The following BPTF variants were observed in gnomAD, a reference collection of about 807,000 sequenced individuals.
The protein encoded by BPTF is nucleosome-remodeling factor subunit BPTF.
In BPTF, 18 loss-of-function variants were observed where a neutral mutation model predicts 292.5. The observed-to-expected ratio is 0.06, with a 90% confidence interval of 0.04 to 0.09. The LOEUF (loss-of-function observed/expected upper bound fraction) is 0.09. Among genes scored for constraint, BPTF ranks in the 10% least tolerant of loss-of-function variants. The pLI is 1.00. For missense variants in BPTF, 2,726 were observed against 3,498.7 expected (o/e 0.78, Z 5.57); for synonymous variants, 1,225 against 1,251.9 (o/e 0.98, Z 0.45).
At chr17:67,953,816 G>A (rs1175374041) in intron 23 of BPTF, among the ~76,000 whole-genome samples, 1 of 151,820 alleles carries the variant, frequency 6.6e-6, no homozygotes, top group Non-Finnish European at 1.5e-5. Context: ...CTGACCTCAG[G>A]TTATCCACCC....
Position 67,921,581 on chromosome 17 carries a change from C to T in BPTF, c.5558-1259C>T, listed in dbSNP as rs1330448264. 1.1e-4 allele frequency among the ~76,000 whole-genome samples: 17 copies of T among 152,004 alleles called. 1 individual carries two copies. Among genetic ancestry groups the T allele is most frequent in the South Asian group, 8.3e-4 (4 of 4,818 alleles). On this transcript the variant is annotated intron_variant, in intron 13 of 27. Coordinates refer to ENST00000306378, the MANE Select transcript of BPTF (RefSeq NM_182641.4). ...AAAAGATAATGTCCTTAGATAGAAA[C>T]GTAGTGTTTTTATAAAAGTTAGTTC...
intron 1 of BPTF, among the ~76,000 whole-genome samples, chr17:67,848,995 A>G (rs908451873): frequency 3.3e-5 from 5 of 152,174 alleles, no homozygotes; most frequent in African/African-American, 1.2e-4. Context: ...GTGGGCGTAC[A>G]TTAATGTCTT....
intron 25 of BPTF, among the ~76,000 whole-genome samples, chr17:67,964,816 G>C (rs144159017): frequency 6.6e-6 from 1 of 151,506 alleles, no homozygotes; most frequent in East Asian, 1.9e-4. Context: ...TGGCTAACAC[G>C]GTGAAACCCC....
intron 1 of BPTF, among the ~76,000 whole-genome samples, chr17:67,840,229 C>G (rs755192817): frequency 6.6e-6 from 1 of 151,836 alleles, no homozygotes; most frequent in Non-Finnish European, 1.5e-5. Context: ...CTCAGCTTCC[C>G]CAGTAGCTGG....
At chr17:67,829,376 A>G (rs1219580709) in intron 1 of BPTF, among the ~76,000 whole-genome samples, 1 of 151,730 alleles carries the variant, frequency 6.6e-6, no homozygotes, top group Non-Finnish European at 1.5e-5. Flanking sequence ...AACGGGATAC[A>G]TGTGCAGAAC....
At chr17:67,902,331 A>G (rs751604203) in intron 7 of BPTF, among the ~76,000 whole-genome samples, 27 of 152,152 alleles carry the variant, frequency 1.8e-4, no homozygotes, top group Non-Finnish European at 3.1e-4. Flanking sequence ...TCAGAGGTGT[A>G]TAGAAGCCAA....
Position 67,894,073 on chromosome 17 carries a change from C to G in BPTF, c.2451C>G (p.Pro817=). 6.2e-7 allele frequency: 1 copy of G among 1,614,044 alleles called. No individual in the cohort carries two copies. Among genetic ancestry groups the G allele is most frequent in the Middle Eastern group, 1.7e-4 (1 of 6,056 alleles). The change falls in exon 7 of 28, where the codon CCC becomes CCG. Residue 817 remains proline (P), a synonymous_variant. Transcript: ENST00000306378. ...AGGCAGTTCAGATGTGTAGCAAACC[C>G]AGAGAATTTGCATTGGCTTTAGCCA... The part of the protein sequence containing the change: ...WIKAVQMCSK[P]REFALALAIL...
At position 67,854,154 on chromosome 17, in the gene BPTF, C is replaced by T. The variant is rs569247212; in HGVS notation, c.828C>T (p.Ser276=). ...AGGACTTTTGTGCAGCTCTGGTGAG[C>T]CAAGAGCAGTGCACACTCATGGCAG... ...RFEDFCAALV[S]QEQCTLMAEM... The change falls in exon 2 of 28, where the codon AGC becomes AGT. Residue 276 remains serine, a synonymous_variant. Transcript: ENST00000306378. This position sits in a 1 kb window ranked among gnomAD's most constrained non-coding sequence, Gnocchi z 5.6. 5 of 1,614,158 alleles carry T rather than the reference C, an allele frequency of 3.1e-6. No homozygotes were observed. In the South Asian group the frequency reaches 5.5e-5, roughly 18 times the overall value.
rs867488343 is a variant in BPTF, at chr17:67,851,275, T to A, written c.614-2665T>A. ...AACTTGTTTTTGCGATTTTCTGCTT[T>A]TTTTTTTTTTTTTTTAATAACCACC... On this transcript the variant is annotated intron_variant, in intron 1 of 27. Transcript: ENST00000306378. Among the ~76,000 whole-genome samples the A allele has an allele frequency of 6.0e-5, 9 of 150,026 alleles. No individual in the cohort carries two copies. The Middle Eastern group carries it at 0.024, about 405-fold the overall frequency.
rs2060047434 is a variant in BPTF at position 67,876,335 on chromosome 17, CT to C, written c.1864+1316del. The stretch of plus-strand genomic sequence containing the variant: ...GCATAACATGAAGGATTTTGACAAC[CT>C]GCAGTTCTTATGGGGACGACTTCCA... On this transcript the variant is annotated intron_variant, in intron 4 of 27. Coordinates refer to ENST00000306378, the MANE Select transcript of BPTF (RefSeq NM_182641.4). 2.6e-5 allele frequency among the ~76,000 whole-genome samples: 4 copies of C among 152,178 alleles called. No homozygotes were observed. The South Asian group carries it at 8.3e-4, about 32-fold the overall frequency.
chr17:67,831,372 T>G (rs2056659124), intron 1 of BPTF, among the ~76,000 whole-genome samples: 2 of 152,150 alleles, frequency 1.3e-5, no homozygotes, highest in South Asian at 2.1e-4. Context: ...AACATGAGAA[T>G]TAAACAAAAT....
chr17:67,842,341 T>C (rs537877083), intron 1 of BPTF, among the ~76,000 whole-genome samples: 5 of 152,290 alleles, frequency 3.3e-5, no homozygotes, highest in African/African-American at 1.2e-4. Context: ...TCAATTTCCT[T>C]GACCAGTTAC....
In BPTF at chr17:67,946,377, G is replaced by A. The variant is rs781909793; in HGVS notation, c.7617+52G>A. On this transcript the variant is annotated intron_variant, in intron 21 of 27. Transcript: ENST00000306378. ...GTTCAGTAGCTTGAATTATTGTGCT[G>A]TGCAGTAGAATTAGTGTTTGGTTGT... 8.9e-6 allele frequency: 14 copies of A among 1,576,194 alleles called. No individual in the cohort carries two copies. The South Asian group carries it at 1.6e-4, about 19-fold the overall frequency.
At chr17:67,870,832 G>T (rs1054188159) in intron 3 of BPTF, among the ~76,000 whole-genome samples, 1 of 144,796 alleles carries the variant, frequency 6.9e-6, no homozygotes, top group South Asian at 2.3e-4. Context: ...TGCAGTGGCG[G>T]GATCTCGGCT....
chr17:67,878,677 T>A (rs576751911), intron 4 of BPTF, among the ~76,000 whole-genome samples: 3 of 137,304 alleles, frequency 2.2e-5, no homozygotes, highest in Non-Finnish European at 4.6e-5. Flanking sequence ...CGTCTTTATG[T>A]GTTCGTGTGT....
At chr17:67,917,180 T>G (rs1374035188) in intron 11 of BPTF, among the ~76,000 whole-genome samples, 3 of 139,936 alleles carry the variant, frequency 2.1e-5, no homozygotes, top group African/African-American at 8.2e-5. Flanking sequence ...CCGCCCGAGG[T>G]GGAGTGCAGT....
Position 67,825,703 on chromosome 17 carries a change from C to T in BPTF, c.-22C>T, listed in dbSNP as rs1452451737. On this transcript the variant is annotated 5_prime_UTR_variant, in exon 1 of 28. Coordinates refer to ENST00000306378, the MANE Select transcript of BPTF (RefSeq NM_182641.4). The stretch of plus-strand genomic sequence containing the variant: ...CCGCCCCTCCCCCTTCGCTTTCCTT[C>T]TCCCCCCGCCTCGGCTCCGACATGA... 1.9e-5 allele frequency: 16 copies of T among 840,676 alleles called. No homozygotes were observed. The highest frequency in any genetic ancestry group is 2.2e-5 in the Non-Finnish European group (15 of 688,796). The allele number at this position is 840,676 out of a possible 1,614,324, so 52.1% of individuals were successfully genotyped here. A position where few individuals can be genotyped will look rare whatever the true frequency, so the allele number is the denominator to read the frequency against.
At position 67,923,018 on chromosome 17, in the gene BPTF, C is replaced by T. The variant is rs749481908; in HGVS notation, c.5708+28C>T. 1.1e-5 allele frequency: 18 copies of T among 1,579,290 alleles called. 1 individual carries two copies. In the South Asian group the frequency reaches 2.0e-4, roughly 17 times the overall value. On this transcript the variant is annotated intron_variant, in intron 14 of 27. Transcript: ENST00000306378. ...AAGGAAATGGTTAATACCTGGTCAGCTATTTGAAGATTTTATCACTTCAGA... is the reference window on the plus strand; with the variant it reads ...AAGGAAATGGTTAATACCTGGTCAGTTATTTGAAGATTTTATCACTTCAGA...
At chr17:67,908,826 ATTT>A (rs34934455) in intron 9 of BPTF, among the ~76,000 whole-genome samples, 3 of 106,076 alleles carry the variant, frequency 2.8e-5, no homozygotes, top group African/African-American at 3.9e-5. Context: ...GTCACTGACA[ATTT>A]TTTTTTTTTT....
Sources: gnomAD v4.1 joint callset for allele counts (sites outside exome capture counted in the v4.1 genomes callset) on GRCh38, gnomAD v4.1.1 for gene constraint, Gnocchi (gnomAD v3.1) non-coding constraint, MANE v1.5 for transcripts, NCBI Gene and HGNC (gene_info 2026-07-23, HGNC 2026-07-21) for gene names.